NPSR1: variants seen among roughly 807,000 people sequenced by gnomAD.
NPSR1 encodes the protein neuropeptide S receptor 1.
A neutral mutation model predicts 46.9 loss-of-function variants in NPSR1; 48 were observed. The ratio of observed to expected loss-of-function variants is 1.02; its 90% CI spans 0.81 to 1.30. The LOEUF is 1.30. NPSR1 is among the 50% of genes most tolerant of loss of function. NPSR1 has a pLI of 0.00. For synonymous variants in NPSR1, 176 were observed against 168.1 expected (o/e 1.05, Z -0.36); for missense variants, 450 against 449.5 (o/e 1.00, Z -0.01).
intron 2 of NPSR1, among the ~76,000 whole-genome samples, chr7:34,693,048 C>A (rs1347674663): frequency 6.6e-6 from 1 of 152,120 alleles, no homozygotes; most frequent in East Asian, 1.9e-4. Context: ...AGTGAATGAG[C>A]TTTTGTGAGA....
chr7:34,727,451 A>T (rs1206727881), intron 2 of NPSR1, among the ~76,000 whole-genome samples: 1 of 152,242 alleles, frequency 6.6e-6, no homozygotes, highest in Non-Finnish European at 1.5e-5. Context: ...CATAACATTT[A>T]ACGTAACTCT....
At chr7:34,662,009 C>T (rs370244912) in intron 1 of NPSR1, among the ~76,000 whole-genome samples, 2 of 152,222 alleles carry the variant, frequency 1.3e-5, no homozygotes, top group South Asian at 4.2e-4. Flanking sequence ...GGTGAATTCA[C>T]CAGCAATGTT....
intron 2 of NPSR1, among the ~76,000 whole-genome samples, chr7:34,727,516 C>A (rs1404531378): frequency 6.6e-6 from 1 of 152,186 alleles, no homozygotes; most frequent in Non-Finnish European, 1.5e-5. Context: ...TATAGCTGGA[C>A]ACCACTTTGC....
intron 1 of NPSR1, among the ~76,000 whole-genome samples, chr7:34,683,900 C>T (rs866815415): frequency 6.6e-6 from 1 of 152,190 alleles, no homozygotes; most frequent in Non-Finnish European, 1.5e-5. Context: ...ACCACAGAAA[C>T]ATTCTTCAGT....
chr7:34,805,285 T>C (rs80238966), intron 3 of NPSR1, among the ~76,000 whole-genome samples: 4,354 of 151,882 alleles, frequency 0.029, 100 homozygotes, highest in Non-Finnish European at 0.046. Context: ...AGACTTACTA[T>C]AAAGCTTCAT....
intron 2 of NPSR1, chr7:34,728,954 G>C (rs186996658): frequency 6.6e-6 from 1 of 152,358 alleles, no homozygotes; most frequent in Admixed American, 6.5e-5. Flanking sequence ...CAGCTCCCAA[G>C]AGAAGAATGA....
chr7:34,799,149 G>A (rs1788345905), intron 3 of NPSR1, among the ~76,000 whole-genome samples: 1 of 152,174 alleles, frequency 6.6e-6, no homozygotes, highest in South Asian at 2.1e-4. Flanking sequence ...AATTTTCTCT[G>A]CAGAGTAAGT....
chr7:34,849,985 G>A, downstream of NPSR1: 1 of 1,066,618 alleles, frequency 9.4e-7, no homozygotes, highest in Non-Finnish European at 1.1e-6. Context: ...AGACAGGCAA[G>A]CAGAGGGGAC....
At chr7:34,878,243 C>T (rs1791623030) in exon 9 of NPSR1, 1 of 1,021,668 alleles carries the variant, frequency 9.8e-7, no homozygotes, top group African/African-American at 1.6e-5. Context: ...CACTGCTTAC[C>T]AGGGCACAAG....
intron 2 of NPSR1, among the ~76,000 whole-genome samples, chr7:34,706,365 CTGT>C (rs1794108495): frequency 3.7e-5 from 2 of 54,322 alleles, no homozygotes; most frequent in African/African-American, 2.2e-4. Flanking sequence ...GGAACTCTAA[CTGT>C]CTGTCTATAT....
In NPSR1 at chr7:34,848,501, G is replaced by A. The variant is rs370674498; in HGVS notation, c.863G>A (p.Ser288Asn). 4 of 1,614,026 alleles carry A rather than the reference G, an allele frequency of 2.5e-6. No individual in the cohort carries two copies. Among genetic ancestry groups the A allele is most frequent in the African/African-American group, 1.3e-5 (1 of 74,932 alleles). The part of the protein sequence containing the change: ...IIILAFICCW[S>N]PYFLFDILDN... ...CCCCCAGCCTTCATCTGCTGTTGGA[G>A]TCCATACTTCCTGTTTGACATTTTG... The change falls in exon 8 of 9, where the codon AGT (serine) becomes AAT (asparagine). Residue 288 changes from serine to asparagine, a missense_variant. Transcript: ENST00000360581.
intron 8 of NPSR1, among the ~76,000 whole-genome samples, chr7:34,863,464 T>A (rs973286842): frequency 6.6e-6 from 1 of 151,460 alleles, no homozygotes; most frequent in African/African-American, 2.4e-5. Flanking sequence ...TGGGAGAAAA[T>A]TTTTGCAATC....
chr7:34,668,907 T>G (rs187354789), intron 1 of NPSR1, among the ~76,000 whole-genome samples: 1 of 152,158 alleles, frequency 6.6e-6, no homozygotes, highest in Non-Finnish European at 1.5e-5. Context: ...ATCCTCCTGC[T>G]CGGAAAGGCA....
In NPSR1 at chr7:34,811,753, C is replaced by T; in HGVS notation, c.385-17C>T. 1 of 1,578,142 alleles carries T rather than the reference C, an allele frequency of 6.3e-7. No homozygotes were observed. The highest frequency in any genetic ancestry group is 8.7e-7 in the Non-Finnish European group (1 of 1,153,298). Reference sequence around the variant, plus strand: ...ACCTCTCTGAAGTCATAAGCTTCCTCTCATTTCTGTCTTTAGGTTGTGCTG... The same window carrying T: ...ACCTCTCTGAAGTCATAAGCTTCCTTTCATTTCTGTCTTTAGGTTGTGCTG... On this transcript the variant is annotated splice_polypyrimidine_tract_variant and intron_variant, in intron 3 of 8. Transcript: ENST00000360581.
intron 2 of NPSR1, chr7:34,761,284 T>C (rs967409081): frequency 2.0e-5 from 3 of 152,274 alleles, no homozygotes; most frequent in Non-Finnish European, 4.4e-5. Flanking sequence ...AGGAATCCTT[T>C]AGGATTTCCA....
Position 34,752,052 on chromosome 7 carries a change from G to C in NPSR1, c.281-26410G>C, listed in dbSNP as rs35879312. On this transcript the variant is annotated intron_variant, in intron 2 of 8. Coordinates refer to ENST00000360581, the MANE Select transcript of NPSR1 (RefSeq NM_207172.2). ...GTAGTCCTGTGGAAACTTCGGAAGA[G>C]AGTTTTATTTTCTGCAACCGGTGAC... 158 of 674,322 alleles carry C rather than the reference G, an allele frequency of 2.3e-4. No homozygotes were observed. The African/African-American group carries it at 2.4e-3, about 10-fold the overall frequency. The allele number at this position is 674,322 out of a possible 1,614,324, so 41.8% of individuals were successfully genotyped here.
intron 2 of NPSR1, among the ~76,000 whole-genome samples, chr7:34,746,581 C>G (rs1446253555): frequency 6.6e-6 from 1 of 152,124 alleles, no homozygotes; most frequent in Non-Finnish European, 1.5e-5. Flanking sequence ...GCTTCTTAAC[C>G]AAGTGTTCTC....
Position 34,827,464 on chromosome 7 carries a change from C to A in NPSR1, c.542C>A (p.Thr181Asn), listed in dbSNP as rs757750551. Residue 181 changes from threonine to asparagine, a missense_variant, in exon 5 of 9, where the codon ACC becomes AAC. By Grantham distance (65) the Thr-to-Asn change is moderately conservative (BLOSUM62 0). Transcript: ENST00000360581. ...CTGTCTTTTCTGTTCTCCATTCCCACCCTGATCATATTTGGGAAGAGGACA... is the reference window on the plus strand; with the variant it reads ...CTGTCTTTTCTGTTCTCCATTCCCAACCTGATCATATTTGGGAAGAGGACA... ...WSLSFLFSIP[T>N]LIIFGKRTLS... 1.9e-6 allele frequency: 3 copies of A among 1,613,954 alleles called. No individual in the cohort carries two copies. The highest frequency in any genetic ancestry group is 2.5e-6 in the Non-Finnish European group (3 of 1,179,974).
chr7:34,843,145 A>G (rs765803923), intron 6 of NPSR1, among the ~76,000 whole-genome samples: 2 of 152,186 alleles, frequency 1.3e-5, no homozygotes, highest in Non-Finnish European at 2.9e-5. Flanking sequence ...CTCTGTCCAC[A>G]GTTGGTTTCT....
Sources: allele counts gnomAD v4.1 joint callset (sites outside exome capture counted in the v4.1 genomes callset), GRCh38; gene constraint gnomAD v4.1.1; transcripts MANE v1.5; gene names NCBI Gene and HGNC (gene_info 2026-07-23, HGNC 2026-07-21).